Variants in CALML4 observed in about 807,000 individuals in gnomAD.
The protein encoded by CALML4 is calmodulin-like protein 4.
In CALML4, 16 loss-of-function variants were observed where a neutral mutation model predicts 17.9. That is an observed-to-expected ratio of 0.89 (90% CI 0.61 to 1.36). The LOEUF is 1.36. Ranked by LOEUF, CALML4 falls within the 40% of genes most tolerant of loss-of-function variation. The pLI is 0.00. For synonymous variants in CALML4, 86 were observed against 71.5 expected (o/e 1.20, Z -1.02); for missense variants, 203 against 194.8 (o/e 1.04, Z -0.25).
chr15:68,205,093 T>G lies in CALML4; in HGVS notation c.34+28A>C. The G allele has an allele frequency of 6.2e-7, 1 of 1,613,378 alleles. No individual in the cohort carries two copies. The highest frequency in any genetic ancestry group is 8.5e-7 in the Non-Finnish European group (1 of 1,179,532). ...TAATGAGACCCATATTTTGCTGAGT[T>G]GCTAATCAAAGAACAAACCCAACCT... is the stretch of plus-strand genomic sequence containing the variant. On this transcript the variant is annotated intron_variant, in intron 2 of 4. Coordinates refer to ENST00000467889, the MANE Select transcript of CALML4 (RefSeq NM_033429.3). This position sits in a 1 kb window ranked among gnomAD's most constrained non-coding sequence, Gnocchi z 4.8.
rs1161994755 is a variant in CALML4, at chr15:68,191,013, A to T, written c.*3002T>A. On this transcript the variant is annotated 3_prime_UTR_variant, in exon 5 of 5. Coordinates refer to ENST00000467889, the MANE Select transcript of CALML4 (RefSeq NM_033429.3). ...TAGACAATTTCAATTTTAAACACAT[A>T]AAACTTTCAAGATCTTCAGGACTTT... is the stretch of plus-strand genomic sequence containing the variant. The T allele has an allele frequency of 2.6e-5, 4 of 152,546 alleles. No homozygotes were observed. Among genetic ancestry groups the T allele is most frequent in the African/African-American group, 9.6e-5 (4 of 41,590 alleles). The allele number at this position is 152,546 out of a possible 1,614,324, so 9.4% of individuals were successfully genotyped here. A position where few individuals can be genotyped will look rare whatever the true frequency, so the allele number is the denominator to read the frequency against.
intron 4 of CALML4, among the ~76,000 whole-genome samples, chr15:68,195,046 CAAAAAAA>C (rs35627887): frequency 7.7e-6 from 1 of 130,704 alleles, no homozygotes; most frequent in African/African-American, 2.8e-5. Context: ...TCCATCACTC[CAAAAAAA>C]AAAAAAAAAT....
rs2093122401 is a variant in CALML4, at chr15:68,191,962, AT to A, written c.*2052del. The A allele has an allele frequency of 6.6e-6, 1 of 152,342 alleles. No individual in the cohort carries two copies. The highest frequency in any genetic ancestry group is 6.5e-5 in the Admixed American group (1 of 15,308). The allele number at this position is 152,342 out of a possible 1,614,324, so 9.4% of individuals were successfully genotyped here. On this transcript the variant is annotated 3_prime_UTR_variant, in exon 5 of 5. Coordinates refer to ENST00000467889, the MANE Select transcript of CALML4 (RefSeq NM_033429.3). The stretch of plus-strand genomic sequence containing the variant: ...CAACTGTGTGTTTTTGGCAAGTTAT[AT>A]TTCAGATTCCTGTTAGGCAAATGAG...
Position 68,191,322 on chromosome 15 carries a change from TGTATA to T in CALML4, c.*2688_*2692del, listed in dbSNP as rs758872652. 6.6e-6 allele frequency: 1 copy of T among 152,652 alleles called. No individual in the cohort carries two copies. Among genetic ancestry groups the T allele is most frequent in the Non-Finnish European group, 1.5e-5 (1 of 68,042 alleles). The allele number at this position is 152,652 out of a possible 1,614,324, so 9.5% of individuals were successfully genotyped here. ...AAACCAGTAAAATGGCTTTTAAAAA[TGTATA>T]GTAGACAATGTCAGTTTGTATAAAA... On this transcript the variant is annotated 3_prime_UTR_variant, in exon 5 of 5. Coordinates refer to ENST00000467889, the MANE Select transcript of CALML4 (RefSeq NM_033429.3).
In CALML4 at chr15:68,204,987, CA is replaced by C; in HGVS notation, c.34+133del. 1.0e-6 allele frequency: 1 copy of C among 995,012 alleles called. No homozygotes were observed. Among genetic ancestry groups the C allele is most frequent in the Non-Finnish European group, 1.5e-6 (1 of 657,094 alleles). 61.6% of individuals were successfully genotyped at this position (995,012 alleles called of 1,614,324 possible). A position where few individuals can be genotyped will look rare whatever the true frequency, so the allele number is the denominator to read the frequency against. ...CACCCCGCCAACAGCAGCCTCCCCGCAGCTCTTGGCCCTGGGTGGGCCCAGC... is the reference window on the plus strand; with the variant it reads ...CACCCCGCCAACAGCAGCCTCCCCGCGCTCTTGGCCCTGGGTGGGCCCAGC... On this transcript the variant is annotated intron_variant, in intron 2 of 4. Coordinates refer to ENST00000467889, the MANE Select transcript of CALML4 (RefSeq NM_033429.3). This position sits in a 1 kb window ranked among gnomAD's most constrained non-coding sequence, Gnocchi z 6.0.
intron 4 of CALML4, among the ~76,000 whole-genome samples, chr15:68,195,331 T>C (rs370884333): frequency 6.6e-6 from 1 of 152,212 alleles, no homozygotes; most frequent in East Asian, 1.9e-4. Flanking sequence ...ATAATCACCA[T>C]GCCTTGGCCT....
At position 68,199,653 on chromosome 15, in the gene CALML4, G is replaced by T. The variant is rs770466053; in HGVS notation, c.63C>A (p.Asp21Glu). The T allele has an allele frequency of 6.2e-7, 1 of 1,613,368 alleles. No homozygotes were observed. Among genetic ancestry groups the T allele is most frequent in the Non-Finnish European group, 8.5e-7 (1 of 1,179,932 alleles). ...CTTTTATCTTCCCCCTCTGCTGCTT[G>T]TCATACAGGGAGAAGCATTCCTTGT... The part of the protein sequence containing the change: ...NEYKECFSLY[D>E]KQQRGKIKAT... The change falls in exon 3 of 5, where the codon GAC (aspartate) becomes GAA (glutamate). Residue 21 changes from aspartate to glutamate, a missense_variant. Asp to Glu is a conservative substitution (Grantham distance 45, BLOSUM62 2). Coordinates refer to ENST00000467889, the MANE Select transcript of CALML4 (RefSeq NM_033429.3).
chr15:68,194,951 T>G (rs1159336543), intron 4 of CALML4, among the ~76,000 whole-genome samples: 1 of 149,248 alleles, frequency 6.7e-6, no homozygotes, highest in African/African-American at 2.5e-5. Flanking sequence ...AAAAAAAATG[T>G]TTGGGGGATG....
Position 68,199,587 on chromosome 15 carries a change from G to T in CALML4, c.129C>A (p.Ser43Arg), listed in dbSNP as rs769447916. 8 of 1,613,718 alleles carry T rather than the reference G, an allele frequency of 5.0e-6. No individual in the cohort carries two copies. The highest frequency in any genetic ancestry group is 5.9e-6 in the Non-Finnish European group (7 of 1,179,960). The change falls in exon 3 of 5, where the codon AGC (serine) becomes AGA (arginine). Residue 43 changes from serine to arginine, a missense_variant. Coordinates refer to ENST00000467889, the MANE Select transcript of CALML4 (RefSeq NM_033429.3). The part of the protein sequence containing the change: ...LMVAMRCLGA[S>R]PTPGEVQRHL... ...GCCGCTGCACCTCCCCTGGCGTCGG[G>T]CTGGCCCCCAGGCACCTCATGGCCA... is the stretch of plus-strand genomic sequence containing the variant.
chr15:68,195,675 T>TGAAAATTGTCTTTCGA (rs1159286781), intron 4 of CALML4, among the ~76,000 whole-genome samples: 2 of 152,204 alleles, frequency 1.3e-5, no homozygotes, highest in Non-Finnish European at 2.9e-5. Context: ...CTTTTTAAAC[T>TGAAAATTGTCTTTCGA]GAAAATTGTC....
chr15:68,197,845 C>T lies in CALML4; in HGVS notation c.176-217G>A. On this transcript the variant is annotated intron_variant, in intron 3 of 4. Coordinates refer to ENST00000467889, the MANE Select transcript of CALML4 (RefSeq NM_033429.3). The surrounding 1 kb of genome is among the most constrained non-coding windows in gnomAD (Gnocchi z 4.1). ...GGACATTCTTCATTTCAGCAACGTC[C>T]TCAGTGACGATGCTTATCATCACCC... 1 of 537,296 alleles carries T rather than the reference C, an allele frequency of 1.9e-6. No individual in the cohort carries two copies. The highest frequency in any genetic ancestry group is 3.1e-5 in the East Asian group (1 of 32,474). The allele number at this position is 537,296 out of a possible 1,614,324, so 33.3% of individuals were successfully genotyped here.
In CALML4 at chr15:68,193,909, C is replaced by T; in HGVS notation, c.*106G>A. 2.8e-6 allele frequency: 2 copies of T among 725,878 alleles called. No homozygotes were observed. Among genetic ancestry groups the T allele is most frequent in the Non-Finnish European group, 2.4e-6 (1 of 419,382 alleles). 45.0% of individuals were successfully genotyped at this position (725,878 alleles called of 1,614,324 possible). A position where few individuals can be genotyped will look rare whatever the true frequency, so the allele number is the denominator to read the frequency against. On this transcript the variant is annotated 3_prime_UTR_variant, in exon 5 of 5. Coordinates refer to ENST00000467889, the MANE Select transcript of CALML4 (RefSeq NM_033429.3). ...CTCTTCTATAGTTGGGTAATGTTGT[C>T]TTGCCACTGTGTTTGCCATCTCTCC...
Position 68,199,392 on chromosome 15 carries a change from G to C in CALML4, c.175+149C>G, listed in dbSNP as rs541571929. On this transcript the variant is annotated intron_variant, in intron 3 of 4. Transcript: ENST00000467889. ...ATTCCAGGAAGCCCAAGTGAGGTAC[G>C]GCACTCCTGGTCTGGGGCTGCCACA... is the stretch of plus-strand genomic sequence containing the variant. 4 of 803,850 alleles carry C rather than the reference G, an allele frequency of 5.0e-6. No individual in the cohort carries two copies. In the East Asian group the frequency reaches 1.1e-4, roughly 22 times the overall value. 49.8% of individuals were successfully genotyped at this position (803,850 alleles called of 1,614,324 possible).
At chr15:68,203,401 C>T (rs1409283991) in intron 2 of CALML4, among the ~76,000 whole-genome samples, 1 of 152,228 alleles carries the variant, frequency 6.6e-6, no homozygotes, top group Non-Finnish European at 1.5e-5. Context: ...AACTATTTCT[C>T]ACCCTTTTAC....
At chr15:68,205,632 T>G (rs1032833287), upstream of CALML4, 97 of 502,898 alleles carry the variant, frequency 1.9e-4, no homozygotes, top group Non-Finnish European at 3.4e-4. The surrounding 1 kb of genome is among the most constrained non-coding windows in gnomAD (Gnocchi z 4.8). Context: ...CCTACTAGAG[T>G]TGGACACTTT....
chr15:68,192,320 C>G lies in CALML4; in HGVS notation c.*1695G>C, dbSNP rs944924279. The G allele has an allele frequency of 6.6e-6, 1 of 152,136 alleles. No individual in the cohort carries two copies. Among genetic ancestry groups the G allele is most frequent in the African/African-American group, 2.4e-5 (1 of 41,422 alleles). 9.4% of individuals were successfully genotyped at this position (152,136 alleles called of 1,614,324 possible). On this transcript the variant is annotated 3_prime_UTR_variant, in exon 5 of 5. Transcript: ENST00000467889. ...CCATGAAGGTAATGAAGTTTAAGCA[C>G]CAGGACCCTTCACTTGTTCTGGTCC...
rs865815371 is a variant in CALML4 at position 68,194,084 on chromosome 15, G to A, written c.393C>T (p.Ile131=). 3.1e-6 allele frequency: 5 copies of A among 1,613,620 alleles called. No homozygotes were observed. Among genetic ancestry groups the A allele is most frequent in the East Asian group, 2.2e-5 (1 of 44,892 alleles). ...CATACTTCACTTTGCCATTGGGTTC[G>A]ATATCTGCTTCCCTGAAGAGATCAT... The part of the protein sequence containing the change: ...EVDDLFREAD[I]EPNGKVKYDE... Residue 131 remains isoleucine, a synonymous_variant, in exon 5 of 5, where the codon ATC becomes ATT. Coordinates refer to ENST00000467889, the MANE Select transcript of CALML4 (RefSeq NM_033429.3).
At chr15:68,195,118 T>C (rs577391738) in intron 4 of CALML4, among the ~76,000 whole-genome samples, 3 of 152,030 alleles carry the variant, frequency 2.0e-5, no homozygotes, top group African/African-American at 7.2e-5. Flanking sequence ...AATAATAGCT[T>C]GTCCCAGGCG....
chr15:68,197,167 C>T lies in CALML4; in HGVS notation c.364+273G>A, dbSNP rs181488739. Among the ~76,000 whole-genome samples the T allele has an allele frequency of 5.9e-4, 90 of 152,268 alleles. No individual in the cohort carries two copies. The South Asian group carries it at 7.2e-3, about 12-fold the overall frequency. On this transcript the variant is annotated intron_variant, in intron 4 of 4. Coordinates refer to ENST00000467889, the MANE Select transcript of CALML4 (RefSeq NM_033429.3). The surrounding 1 kb of genome is among the most constrained non-coding windows in gnomAD (Gnocchi z 4.1). ...GAACACAGGGGGAGACCAGACTGCA[C>T]GCTCCAGCTGCCCTGCCTTGTGGGT...
Sources: gnomAD v4.1 joint callset for allele counts (sites outside exome capture counted in the v4.1 genomes callset) on GRCh38, gnomAD v4.1.1 for gene constraint, Gnocchi (gnomAD v3.1) non-coding constraint, MANE v1.5 for transcripts, NCBI Gene and HGNC (gene_info 2026-07-23, HGNC 2026-07-21) for gene names.